The following BRINP3 variants were observed in gnomAD, a reference collection of about 807,000 sequenced individuals.
BRINP3 encodes the protein BMP/retinoic acid inducible neural specific 3.
In BRINP3, 19 loss-of-function variants were observed where a neutral mutation model predicts 71.0. The ratio of observed to expected loss-of-function variants is 0.27; its 90% confidence interval spans 0.19 to 0.39. The LOEUF (loss-of-function observed/expected upper bound fraction) is 0.39. Ranked by LOEUF, BRINP3 falls within the 10% of genes least tolerant of loss-of-function variation. The probability of loss-of-function intolerance (pLI) is 1.00; values close to 1 mark genes in which losing one functional copy is unlikely to be tolerated. For synonymous variants in BRINP3, 380 were observed against 337.7 expected (o/e 1.13, Z -1.37); for missense variants, 959 against 940.8 (o/e 1.02, Z -0.25).
At chr1:190,155,077 T>C (rs1361604995) in intron 7 of BRINP3, among the ~76,000 whole-genome samples, 2 of 152,118 alleles carry the variant, frequency 1.3e-5, no homozygotes, top group Non-Finnish European at 2.9e-5. Flanking sequence ...ATGATATTAA[T>C]AATAAGTTCT....
chr1:190,457,637 A>G (rs1676090298), intron 1 of BRINP3, among the ~76,000 whole-genome samples: 2 of 152,164 alleles, frequency 1.3e-5, no homozygotes, highest in East Asian at 1.9e-4. Flanking sequence ...AGTGCCTACC[A>G]TATGGTAAGG....
chr1:190,333,153 C>A (rs74129284), intron 2 of BRINP3, among the ~76,000 whole-genome samples: 4 of 151,858 alleles, frequency 2.6e-5, no homozygotes, highest in African/African-American at 7.3e-5. Context: ...TTAATTTTTA[C>A]AATTGCTAGG....
intron 6 of BRINP3, among the ~76,000 whole-genome samples, chr1:190,201,614 C>T (rs185211375): frequency 6.6e-6 from 1 of 152,306 alleles, no homozygotes; most frequent in East Asian, 1.9e-4. Context: ...TAGGAGAAAA[C>T]TGTGGTTCCA....
In BRINP3 at chr1:190,350,917, T is replaced by C. The variant is rs570358046; in HGVS notation, c.237-69167A>G. On this transcript the variant is annotated intron_variant, in intron 2 of 7. Coordinates refer to ENST00000367462, the MANE Select transcript of BRINP3 (RefSeq NM_199051.3). ...GGCTCACAGCAACCTCCGTCTCCCA[T>C]GTTGAAGCGGTTCTCCTGCCTCAGC... 4.6e-5 allele frequency among the ~76,000 whole-genome samples: 7 copies of C among 151,558 alleles called. No individual in the cohort carries two copies. The East Asian group carries it at 1.4e-3, about 30-fold the overall frequency.
chr1:190,397,107 T>C (rs1671629352), intron 2 of BRINP3, among the ~76,000 whole-genome samples: 1 of 151,888 alleles, frequency 6.6e-6, no homozygotes, highest in South Asian at 2.1e-4. Flanking sequence ...GGACTCAAAA[T>C]TTAGATAGAT....
chr1:190,203,796 T>C (rs1374888596), intron 6 of BRINP3, among the ~76,000 whole-genome samples: 1 of 66,068 alleles, frequency 1.5e-5, no homozygotes, highest in African/African-American at 6.8e-5. Flanking sequence ...TATATATATA[T>C]ATATATATAT....
intron 6 of BRINP3, among the ~76,000 whole-genome samples, chr1:190,195,773 A>T (rs1654425994): frequency 6.6e-6 from 1 of 152,024 alleles, no homozygotes; most frequent in African/African-American, 2.4e-5. Flanking sequence ...CTTGCTAATT[A>T]AATAATTTTT....
chr1:190,312,223 T>C (rs190847768), intron 2 of BRINP3, among the ~76,000 whole-genome samples: 25 of 150,848 alleles, frequency 1.7e-4, no homozygotes, highest in Admixed American at 1.6e-3. Context: ...ATTGCAAAGT[T>C]CAATATAAAA....
chr1:190,145,794 G>A (rs1655834601), intron 7 of BRINP3, among the ~76,000 whole-genome samples: 1 of 152,056 alleles, frequency 6.6e-6, no homozygotes, highest in South Asian at 2.1e-4. Flanking sequence ...CAACCAAAGG[G>A]TGAATAAAGA....
At chr1:190,187,754 T>G (rs942721794) in intron 6 of BRINP3, among the ~76,000 whole-genome samples, 2 of 152,052 alleles carry the variant, frequency 1.3e-5, no homozygotes, top group Non-Finnish European at 2.9e-5. Context: ...CAGTGCCATG[T>G]TTTTTGTGTT....
chr1:190,104,847 C>A (rs192112407), intron 7 of BRINP3, among the ~76,000 whole-genome samples: 1 of 152,024 alleles, frequency 6.6e-6, no homozygotes, highest in Non-Finnish European at 1.5e-5. Context: ...TCCCTTATTC[C>A]AACCTTCTAA....
chr1:190,385,111 T>C (rs1670801051), intron 2 of BRINP3, among the ~76,000 whole-genome samples: 1 of 152,054 alleles, frequency 6.6e-6, no homozygotes, highest in Non-Finnish European at 1.5e-5. Context: ...ACGTTAGACC[T>C]AAAACCATAA....
At chr1:190,350,400 A>G (rs925795472) in intron 2 of BRINP3, among the ~76,000 whole-genome samples, 1 of 152,110 alleles carries the variant, frequency 6.6e-6, no homozygotes, top group Non-Finnish European at 1.5e-5. Flanking sequence ...TTCTCTCAAC[A>G]TTCTTCATTT....
intron 6 of BRINP3, among the ~76,000 whole-genome samples, chr1:190,190,617 A>G (rs1189878144): frequency 6.6e-6 from 1 of 152,118 alleles, no homozygotes; most frequent in Admixed American, 6.6e-5. Context: ...TTTCTACTGT[A>G]GAGCATACTG....
At chr1:190,370,886 A>C (rs1403092327) in intron 2 of BRINP3, among the ~76,000 whole-genome samples, 1 of 152,166 alleles carries the variant, frequency 6.6e-6, no homozygotes, top group Non-Finnish European at 1.5e-5. Context: ...TTGTATTTTA[A>C]TTAAATAATT....
chr1:190,373,361 G>T (rs1178314501), intron 2 of BRINP3, among the ~76,000 whole-genome samples: 2 of 151,886 alleles, frequency 1.3e-5, no homozygotes, highest in Middle Eastern at 3.4e-3. Context: ...TTTCACTCCA[G>T]CCTGGGCAAC....
intron 2 of BRINP3, among the ~76,000 whole-genome samples, chr1:190,358,828 G>A (rs1411498739): frequency 6.6e-6 from 1 of 152,116 alleles, no homozygotes; most frequent in African/African-American, 2.4e-5. Context: ...ATACTATGCA[G>A]CCATAAAAAA....
At chr1:190,158,741 T>A in intron 7 of BRINP3, among the ~76,000 whole-genome samples, 1 of 145,436 alleles carries the variant, frequency 6.9e-6, no homozygotes, top group African/African-American at 2.6e-5. Flanking sequence ...GAGGAAAAAA[T>A]AATAGAATTG....
At chr1:190,411,236 G>A (rs938056262) in intron 2 of BRINP3, among the ~76,000 whole-genome samples, 1 of 152,004 alleles carries the variant, frequency 6.6e-6, no homozygotes, top group African/African-American at 2.4e-5. Context: ...GAGGACAACG[G>A]GATATTTATT....
Sources: gnomAD v4.1 joint callset for allele counts (sites outside exome capture counted in the v4.1 genomes callset) on GRCh38, gnomAD v4.1.1 for gene constraint, MANE v1.5 for transcripts, NCBI Gene and HGNC (gene_info 2026-07-23, HGNC 2026-07-21) for gene names.